The following LIMCH1 variants were observed in gnomAD, a reference collection of about 807,000 sequenced individuals.
The protein encoded by LIMCH1 is LIM and calponin homology domains 1.
Under a neutral mutation model 176.5 loss-of-function variants are expected in LIMCH1, and 113 were observed. The observed-to-expected ratio is 0.64, with a 90% CI of 0.55 to 0.75. The LOEUF is 0.75. LIMCH1 is among the 30% of genes least tolerant of loss of function. LIMCH1 has a pLI of 0.00. For missense variants in LIMCH1, 1,674 were observed against 1,814.9 expected (o/e 0.92, Z 1.41); for synonymous variants, 619 against 645.9 (o/e 0.96, Z 0.63).
chr4:41,682,138 C>A (rs1201805852), intron 25 of LIMCH1, among the ~76,000 whole-genome samples, 195 bp from the exon 26 acceptor site: 1 of 152,172 alleles, frequency 6.6e-6, no homozygotes, highest in Non-Finnish European at 1.5e-5. Flanking sequence ...TTTGTGATAA[C>A]TTTCTAAAGA....
chr4:41,697,140 GTTGT>G lies in LIMCH1; in HGVS notation c.4379-13_4379-10del. The stretch of plus-strand genomic sequence containing the variant: ...ATGTTGCCTACCACTCTTGTTTGTT[GTTGT>G]TTGTTTTAATCACAGGTGCCGGGCA... On this transcript the variant is annotated splice_polypyrimidine_tract_variant and intron_variant, in intron 31 of 31. Coordinates refer to ENST00000503057, the MANE Select transcript of LIMCH1 (RefSeq NM_001330672.2). 2 of 1,613,154 alleles carry G rather than the reference GTTGT, an allele frequency of 1.2e-6. No individual in the cohort carries two copies. Among genetic ancestry groups the G allele is most frequent in the Non-Finnish European group, 1.7e-6 (2 of 1,179,310 alleles).
intron 1 of LIMCH1, among the ~76,000 whole-genome samples, chr4:41,577,780 T>C (rs1333975940): frequency 6.6e-6 from 1 of 152,188 alleles, no homozygotes; most frequent in Non-Finnish European, 1.5e-5. Flanking sequence ...TCATTTGGAC[T>C]TCAGGATTAA....
intron 1 of LIMCH1, among the ~76,000 whole-genome samples, chr4:41,361,971 A>G (rs2052157171): frequency 6.6e-6 from 1 of 152,142 alleles, no homozygotes. Context: ...GTGTATCGCT[A>G]AATCATGACC....
upstream of LIMCH1, chr4:41,360,717 C>T (rs1046648797): frequency 1.8e-6 from 1 of 556,252 alleles, no homozygotes; most frequent in Non-Finnish European, 2.8e-6. The surrounding 1 kb of genome is among the most constrained non-coding windows in gnomAD (Gnocchi z 4.5). Context: ...CTGCGCCGGC[C>T]GGGGGCGGGG....
intron 10 of LIMCH1, among the ~76,000 whole-genome samples, chr4:41,632,071 T>C (rs914834400): frequency 6.6e-6 from 1 of 152,174 alleles, no homozygotes; most frequent in African/African-American, 2.4e-5. Context: ...AGAACACCTT[T>C]ATAGGCCTGT....
intron 1 of LIMCH1, among the ~76,000 whole-genome samples, chr4:41,412,925 G>C (rs1480427105): frequency 6.6e-6 from 1 of 152,176 alleles, no homozygotes; most frequent in African/African-American, 2.4e-5. Context: ...GGGGTTACCA[G>C]CTTTGTAACC....
intron 22 of LIMCH1, among the ~76,000 whole-genome samples, chr4:41,675,850 C>T (rs1344815045): frequency 2.0e-5 from 3 of 152,218 alleles, no homozygotes; most frequent in Non-Finnish European, 4.4e-5. Flanking sequence ...GGCAAGTGAT[C>T]TGCTTGCCTG....
intron 1 of LIMCH1, among the ~76,000 whole-genome samples, chr4:41,563,662 C>A (rs558528038): frequency 6.6e-6 from 1 of 152,288 alleles, no homozygotes; most frequent in African/African-American, 2.4e-5. Context: ...GAGAACAGCA[C>A]CTCCCTCTAC....
intron 1 of LIMCH1, among the ~76,000 whole-genome samples, chr4:41,398,404 A>G (rs1280681493): frequency 6.6e-6 from 1 of 152,082 alleles, no homozygotes; most frequent in Non-Finnish European, 1.5e-5. Flanking sequence ...CCGTCATCCA[A>G]CTGAGTTTTG....
intron 2 of LIMCH1, among the ~76,000 whole-genome samples, chr4:41,519,266 C>T (rs1220006931): frequency 9.9e-5 from 15 of 152,106 alleles, no homozygotes; most frequent in Admixed American, 9.2e-4. Context: ...TGGGGTCTTC[C>T]GTGCCTTTCT....
At chr4:41,468,933 C>T (rs1306505916) in intron 1 of LIMCH1, among the ~76,000 whole-genome samples, 1 of 152,168 alleles carries the variant, frequency 6.6e-6, no homozygotes, top group Non-Finnish European at 1.5e-5. Flanking sequence ...CCCTGGGAAA[C>T]ACAGGCAAAG....
intron 2 of LIMCH1, among the ~76,000 whole-genome samples, chr4:41,502,165 G>A (rs941969937): frequency 6.6e-6 from 1 of 150,886 alleles, no homozygotes; most frequent in African/African-American, 2.4e-5. Flanking sequence ...TGTGGTGTTT[G>A]GTTTTCTGTT....
intron 1 of LIMCH1, among the ~76,000 whole-genome samples, chr4:41,388,630 G>C (rs773129121): frequency 6.7e-6 from 1 of 149,272 alleles, no homozygotes; most frequent in African/African-American, 2.5e-5. Context: ...CAGTATGCAG[G>C]CTATGCATCC....
chr4:41,365,404 T>A (rs982438601), intron 1 of LIMCH1, among the ~76,000 whole-genome samples: 4 of 152,244 alleles, frequency 2.6e-5, no homozygotes, highest in African/African-American at 9.6e-5. Context: ...GACCAAAAGA[T>A]GCTTGTGTTG....
intron 1 of LIMCH1, among the ~76,000 whole-genome samples, chr4:41,448,264 C>G (rs548914535): frequency 1.3e-5 from 2 of 152,160 alleles, no homozygotes; most frequent in Non-Finnish European, 2.9e-5. Flanking sequence ...GCTTTAGGTT[C>G]GCTTTAGGTT....
At chr4:41,598,528 TA>T (rs540403661) in intron 1 of LIMCH1, among the ~76,000 whole-genome samples, 9 of 149,346 alleles carry the variant, frequency 6.0e-5, no homozygotes, top group Non-Finnish European at 7.5e-5. Context: ...AAAACCTTTT[TA>T]AAAAAAAAAG....
At chr4:41,644,454 G>T in intron 14 of LIMCH1, 46 bp from the exon 15 acceptor site, 2 of 1,442,718 alleles carry the variant, frequency 1.4e-6, no homozygotes. Context: ...GAGACGCGAC[G>T]GGCGCTGATC....
intron 1 of LIMCH1, among the ~76,000 whole-genome samples, chr4:41,416,742 G>A (rs2059975106): frequency 6.6e-6 from 1 of 151,960 alleles, no homozygotes; most frequent in South Asian, 2.1e-4. Flanking sequence ...ATAGTATTAG[G>A]CAGCTGATAA....
At chr4:41,360,591 A>C (rs921816626), upstream of LIMCH1, 10 of 246,458 alleles carry the variant, frequency 4.1e-5, no homozygotes, top group Admixed American at 1.1e-4. This position sits in a 1 kb window ranked among gnomAD's most constrained non-coding sequence, Gnocchi z 4.5. Flanking sequence ...GGAGGAGAAG[A>C]AGCTCCCGGC....
Sources: allele counts gnomAD v4.1 joint callset (sites outside exome capture counted in the v4.1 genomes callset), GRCh38; gene constraint gnomAD v4.1.1; non-coding constraint Gnocchi (gnomAD v3.1); transcripts MANE v1.5; gene names NCBI Gene and HGNC (gene_info 2026-07-23, HGNC 2026-07-21).